The following KRT8 variants were observed in gnomAD, a reference collection of about 807,000 sequenced individuals.
KRT8 encodes keratin 8.
In KRT8, 24 loss-of-function variants were observed where a neutral mutation model predicts 43.0. The ratio of observed to expected loss-of-function variants is 0.56; its 90% CI spans 0.40 to 0.78. KRT8 has a LOEUF of 0.78. Ranked by LOEUF, KRT8 falls within the 30% of genes least tolerant of loss-of-function variation. The pLI, the probability that KRT8 is intolerant of heterozygous loss-of-function variation, is 0.00. For synonymous variants in KRT8, 214 were observed against 261.2 expected (o/e 0.82, Z 1.74); for missense variants, 492 against 638.4 (o/e 0.77, Z 2.47).
chr12:52,936,019 C>A, intron 2 of KRT8, among the ~76,000 whole-genome samples: 1 of 151,916 alleles, frequency 6.6e-6, no homozygotes. Flanking sequence ...TTTGGGAGGC[C>A]GAGGCAGGTG....
chr12:52,949,020 T>C (rs1281787033), intron 2 of KRT8: 3 of 676,648 alleles, frequency 4.4e-6, no homozygotes, highest in African/African-American at 3.8e-5. Context: ...GGGCGCGGGC[T>C]CCGAGCCGTC....
chr12:52,915,322 C>G (rs1284289591), intron 2 of KRT8, among the ~76,000 whole-genome samples: 1 of 149,718 alleles, frequency 6.7e-6, no homozygotes, highest in Non-Finnish European at 1.5e-5. Flanking sequence ...TGCAGTGAGC[C>G]GAGATCTCGC....
chr12:52,918,178 G>GAAGAAGAAGAAGAAGAAGA (rs879329542), intron 2 of KRT8, among the ~76,000 whole-genome samples: 9 of 123,534 alleles, frequency 7.3e-5, no homozygotes, highest in African/African-American at 3.0e-4. Flanking sequence ...AGAAGAGGAA[G>GAAGAAGAAGAAGAAGAAGA]AGGAAGAAGA....
intron 2 of KRT8, among the ~76,000 whole-genome samples, chr12:52,932,040 G>T (rs2120699672): frequency 6.6e-6 from 1 of 151,350 alleles, no homozygotes; most frequent in African/African-American, 2.4e-5. Context: ...CAAGTAATCT[G>T]CCCGCCTCTG....
intron 2 of KRT8, among the ~76,000 whole-genome samples, chr12:52,917,714 A>AAG (rs1941770703): frequency 1.0e-5 from 1 of 95,716 alleles, no homozygotes; most frequent in South Asian, 2.5e-4. Flanking sequence ...GTCTCAAAAA[A>AAG]AAAAAAAAAA....
chr12:52,933,914 C>T (rs1293221146), intron 2 of KRT8, among the ~76,000 whole-genome samples: 1 of 151,834 alleles, frequency 6.6e-6, no homozygotes, highest in Non-Finnish European at 1.5e-5. Flanking sequence ...CGTGAGCCAC[C>T]TCGCCCAGGC....
chr12:52,900,005 T>C (rs769708472), exon 5 of KRT8: 2 of 1,612,998 alleles, frequency 1.2e-6, no homozygotes, highest in African/African-American at 1.3e-5. Context: ...AGGGAGCGGC[T>C]GTTGTCCATG....
chr12:52,907,973 G>A (rs540304245), upstream of KRT8, among the ~76,000 whole-genome samples: 11 of 152,352 alleles, frequency 7.2e-5, no homozygotes, highest in African/African-American at 2.2e-4. Context: ...AGGGAACAAC[G>A]TGTTTGCGGT....
chr12:52,934,777 T>C (rs916322225), intron 2 of KRT8, among the ~76,000 whole-genome samples: 1 of 151,912 alleles, frequency 6.6e-6, no homozygotes, highest in African/African-American at 2.4e-5. Flanking sequence ...GAGACCAGCC[T>C]GATCAACATG....
chr12:52,909,461 T>A (rs989691793), upstream of KRT8, among the ~76,000 whole-genome samples: 1 of 152,036 alleles, frequency 6.6e-6, no homozygotes, highest in African/African-American at 2.4e-5. Context: ...AATAATAGAG[T>A]CAATTCGATT....
At chr12:52,902,793 C>T (rs1224987990) in intron 1 of KRT8, among the ~76,000 whole-genome samples, 1 of 152,102 alleles carries the variant, frequency 6.6e-6, no homozygotes, top group Non-Finnish European at 1.5e-5. Flanking sequence ...AGGCGGATTT[C>T]TTGAAGTCAG....
intron 2 of KRT8, among the ~76,000 whole-genome samples, chr12:52,938,151 TATATATATA>T (rs1942201210): frequency 2.7e-5 from 1 of 36,556 alleles, no homozygotes; most frequent in Non-Finnish European, 5.0e-5. Context: ...TATATATATA[TATATATATA>T]TATATATATA....
At chr12:52,900,624 G>A (rs150187239) in exon 4 of KRT8, 342 of 1,613,008 alleles carry the variant, frequency 2.1e-4, no homozygotes, top group African/African-American at 9.1e-4. Flanking sequence ...TGATCTCGTC[G>A]GTCAGCCCTT....
chr12:52,899,036 C>T (rs1941294327), intron 5 of KRT8, 137 bp from the exon 6 acceptor site: 9 of 774,152 alleles, frequency 1.2e-5, no homozygotes, highest in Non-Finnish European at 2.0e-5. Context: ...GACTAAGGGC[C>T]GGGCACAGTG....
At chr12:52,940,834 G>A (rs1942256287) in intron 2 of KRT8, among the ~76,000 whole-genome samples, 1 of 151,868 alleles carries the variant, frequency 6.6e-6, no homozygotes, top group East Asian at 2.0e-4. Context: ...CACCATCTTG[G>A]CCAGGTTGGT....
upstream of KRT8, chr12:52,906,550 G>A (rs1376348461): frequency 2.6e-6 from 1 of 383,660 alleles, no homozygotes; most frequent in Non-Finnish European, 5.2e-6. Flanking sequence ...GGGGAGCTGA[G>A]CAAGGCACCC....
intron 2 of KRT8, among the ~76,000 whole-genome samples, chr12:52,924,981 G>A (rs531139934): frequency 2.0e-5 from 3 of 152,324 alleles, no homozygotes; most frequent in Admixed American, 1.3e-4. Context: ...GGGAGGATGC[G>A]TCTGTGGAAA....
At chr12:52,905,442 G>T (rs1447434359), upstream of KRT8, among the ~76,000 whole-genome samples, 1 of 152,160 alleles carries the variant, frequency 6.6e-6, no homozygotes, top group Non-Finnish European at 1.5e-5. Context: ...GGGAAGCATG[G>T]GAAAAAGGGG....
At position 52,898,916 on chromosome 12, in the gene KRT8, AG is replaced by A; in HGVS notation, c.982-18del. 6.2e-7 allele frequency: 1 copy of A among 1,611,106 alleles called. No individual in the cohort carries two copies. ...GGAAGCCCTCTGTGGGGTAGGGGAC[AG>A]GTAAGTAGGTCAGGTTGGGTATGCC... On this transcript the variant is annotated intron_variant, in intron 5 of 7. Coordinates refer to ENST00000692008, the Ensembl canonical transcript of KRT8.
Sources: allele counts gnomAD v4.1 joint callset (sites outside exome capture counted in the v4.1 genomes callset), GRCh38; gene constraint gnomAD v4.1.1; transcripts MANE v1.5; gene names NCBI Gene and HGNC (gene_info 2026-07-23, HGNC 2026-07-21).